Variants in AHCTF1 observed in about 807,000 individuals in gnomAD.
The protein encoded by AHCTF1 is protein ELYS.
A neutral mutation model predicts 248.4 loss-of-function variants in AHCTF1; 24 were observed. The ratio of observed to expected loss-of-function variants is 0.10; its 90% confidence interval spans 0.07 to 0.14. The LOEUF is 0.14. AHCTF1 is among the 10% of genes least tolerant of loss of function. The probability of loss-of-function intolerance (pLI) is 1.00; values close to 1 mark genes in which losing one functional copy is unlikely to be tolerated. For synonymous variants in AHCTF1, 786 were observed against 929.8 expected (o/e 0.85, Z 2.81); for missense variants, 2,206 against 2,636.2 (o/e 0.84, Z 3.57).
intron 24 of AHCTF1, among the ~76,000 whole-genome samples, chr1:246,871,565 T>C (rs750942522): frequency 5.9e-5 from 9 of 152,212 alleles, no homozygotes; most frequent in Non-Finnish European, 1.0e-4. Flanking sequence ...AGGTATACAG[T>C]GCTGTCCTCA....
At chr1:246,868,969 T>G (rs370087175) in intron 24 of AHCTF1, among the ~76,000 whole-genome samples, 11 of 150,462 alleles carry the variant, frequency 7.3e-5, no homozygotes, top group African/African-American at 2.2e-4. Context: ...CTCAGCCTGC[T>G]GAGTAGCTGG....
rs74163703 is a variant in AHCTF1, at chr1:246,898,621, AACACACACACACACACAC to A, written c.1495-303_1495-286del. Among the ~76,000 whole-genome samples, 1,307 of 146,988 alleles carry A rather than the reference AACACACACACACACACAC, an allele frequency of 8.9e-3. 18 individuals are homozygous for A. Among genetic ancestry groups the A allele is most frequent in the African/African-American group, 0.028 (1,129 of 39,916 alleles). ...GACAGATTTGGTGACATCTTGACAA[AACACACACACACACACAC>A]ACACACACACACACACACACACACA... On this transcript the variant is annotated intron_variant, in intron 11 of 35. Coordinates refer to ENST00000648844, the MANE Select transcript of AHCTF1 (RefSeq NM_001323342.2).
intron 5 of AHCTF1, among the ~76,000 whole-genome samples, chr1:246,906,266 G>C (rs1455347919): frequency 6.6e-6 from 1 of 152,084 alleles, no homozygotes; most frequent in Non-Finnish European, 1.5e-5. Context: ...ATTTCTTTAG[G>C]AGCAAATTCA....
intron 24 of AHCTF1, among the ~76,000 whole-genome samples, chr1:246,871,194 A>T (rs922703427): frequency 6.6e-6 from 1 of 152,228 alleles, no homozygotes; most frequent in African/African-American, 2.4e-5. Context: ...GACAGTGGTT[A>T]CTACTTGCCT....
At chr1:246,875,138 A>G (rs1662848566) in intron 24 of AHCTF1, among the ~76,000 whole-genome samples, 1 of 152,172 alleles carries the variant, frequency 6.6e-6, no homozygotes, top group Non-Finnish European at 1.5e-5. Context: ...CATGCGACCT[A>G]TATACTGACA....
At chr1:246,854,879 G>A (rs1449895173) in intron 31 of AHCTF1, among the ~76,000 whole-genome samples, 1 of 152,134 alleles carries the variant, frequency 6.6e-6, no homozygotes, top group Admixed American at 6.5e-5. Context: ...CCAACATATC[G>A]GGAGAAATGG....
At chr1:246,857,368 T>C (rs1040417804) in intron 30 of AHCTF1, among the ~76,000 whole-genome samples, 3 of 152,188 alleles carry the variant, frequency 2.0e-5, no homozygotes, top group African/African-American at 7.2e-5. Context: ...AAGAGTCTTG[T>C]GCCTGATCAT....
chr1:246,895,983 G>C (rs1415880108), intron 12 of AHCTF1, 58 bp from the exon 13 acceptor site: 1 of 1,416,556 alleles, frequency 7.1e-7, no homozygotes, highest in Admixed American at 1.9e-5. Context: ...TGAGATCATA[G>C]GCAAGTTCTG....
At chr1:246,859,066 G>C (rs934855949) in intron 29 of AHCTF1, among the ~76,000 whole-genome samples, 6 of 152,172 alleles carry the variant, frequency 3.9e-5, no homozygotes, top group African/African-American at 1.4e-4. Context: ...GCAAGACTCT[G>C]TCTCAAATAA....
At chr1:246,852,961 A>G (rs1038641415) in intron 32 of AHCTF1, 130 bp downstream of exon 32, 75 of 663,112 alleles carry the variant, frequency 1.1e-4, no homozygotes, top group South Asian at 7.9e-4. Flanking sequence ...TTTTGAACCC[A>G]TATTTTTATA....
chr1:246,913,024 C>G (rs527806848), intron 4 of AHCTF1, among the ~76,000 whole-genome samples: 1 of 151,956 alleles, frequency 6.6e-6, no homozygotes, highest in African/African-American at 2.4e-5. Context: ...AACACCTGAT[C>G]AACAAAACAG....
chr1:246,869,382 T>C (rs1662391912), intron 24 of AHCTF1, among the ~76,000 whole-genome samples: 1 of 152,190 alleles, frequency 6.6e-6, no homozygotes, highest in South Asian at 2.1e-4. Context: ...TCTAGGACTT[T>C]AAATCAAAAG....
Position 246,861,948 on chromosome 1 carries a change from A to C in AHCTF1, c.3735+11T>G, listed in dbSNP as rs779549133. 1 of 1,602,084 alleles carries C rather than the reference A, an allele frequency of 6.2e-7. No homozygotes were observed. The highest frequency in any genetic ancestry group is 8.5e-7 in the Non-Finnish European group (1 of 1,173,984). Reference sequence around the variant, plus strand: ...AAAAATGTCTTTTCTCCCAATTATTATCAAACTTACCCCAGGAATCCATTT... The same window carrying C: ...AAAAATGTCTTTTCTCCCAATTATTCTCAAACTTACCCCAGGAATCCATTT... On this transcript the variant is annotated intron_variant, in intron 28 of 35. Transcript: ENST00000648844.
Position 246,899,454 on chromosome 1 carries a change from C to T in AHCTF1, c.1491G>A (p.Lys497=). ...GAAATCACTAGTTGTTACCTACCTC[C>T]TTCTGAAAGCCAGTACAAGTTAAAT... is the stretch of plus-strand genomic sequence containing the variant. The part of the protein sequence containing the change: ...VVHLTCTGFQ[K]ETLTFLKKSG... The change falls in exon 11 of 36, where the codon AAG becomes AAA. Residue 497 remains lysine (K), a synonymous_variant. Coordinates refer to ENST00000648844, the MANE Select transcript of AHCTF1 (RefSeq NM_001323342.2). 3 of 1,605,760 alleles carry T rather than the reference C, an allele frequency of 1.9e-6. No individual in the cohort carries two copies. The highest frequency in any genetic ancestry group is 1.7e-6 in the Non-Finnish European group (2 of 1,176,276).
At chr1:246,892,011 A>G (rs1023216482) in intron 14 of AHCTF1, 92 bp from the exon 15 acceptor site, 4 of 1,307,172 alleles carry the variant, frequency 3.1e-6, no homozygotes, top group African/African-American at 1.5e-5. Context: ...CCTATCACTC[A>G]AAAGAATTAT....
chr1:246,867,303 T>C lies in AHCTF1; in HGVS notation c.3288A>G (p.Pro1096=), dbSNP rs1662052751. 10 of 1,604,528 alleles carry C rather than the reference T, an allele frequency of 6.2e-6. No homozygotes were observed. The highest frequency in any genetic ancestry group is 8.5e-6 in the Non-Finnish European group (10 of 1,175,822). The change falls in exon 26 of 36, where the codon CCA becomes CCG. Residue 1096 remains proline (P), a synonymous_variant. Transcript: ENST00000648844. The stretch of plus-strand genomic sequence containing the variant: ...TTCCAAAAAATGCCTCAGGCAGCTC[T>C]GGAGCTGGGAGCGAATACACTATAG... ...PSPIVYSLPA[P]ELPEAFFGTP...
At chr1:246,846,207 G>A (rs757139638) in intron 33 of AHCTF1, among the ~76,000 whole-genome samples, 4 of 150,578 alleles carry the variant, frequency 2.7e-5, no homozygotes, top group African/African-American at 9.8e-5. Context: ...TAATTTCTTC[G>A]CTATGTTTCA....
chr1:246,893,644 A>G (rs1163699881), intron 14 of AHCTF1, among the ~76,000 whole-genome samples: 2 of 152,244 alleles, frequency 1.3e-5, no homozygotes, highest in Non-Finnish European at 2.9e-5. Context: ...TGCCACAATA[A>G]TAACGACATC....
chr1:246,927,198 A>G (rs960989921), intron 1 of AHCTF1, among the ~76,000 whole-genome samples: 3 of 151,672 alleles, frequency 2.0e-5, no homozygotes, highest in Non-Finnish European at 2.9e-5. Flanking sequence ...AAAGAAAGAA[A>G]TAGGCCAGGC....
Sources: allele counts gnomAD v4.1 joint callset (sites outside exome capture counted in the v4.1 genomes callset), GRCh38; gene constraint gnomAD v4.1.1; transcripts MANE v1.5; gene names NCBI Gene and HGNC (gene_info 2026-07-23, HGNC 2026-07-21).